Variants in IGSF9 observed in about 807,000 individuals in gnomAD.
IGSF9 encodes the protein protein turtle homolog A.
IGSF9 carries 87 observed loss-of-function variants against 121.7 expected under a neutral mutation model. The observed-to-expected ratio is 0.71, with a 90% CI of 0.60 to 0.85. IGSF9 has a LOEUF of 0.85. Among genes scored for constraint, IGSF9 ranks in the 40% least tolerant of loss-of-function variants. IGSF9 has a pLI of 0.00. For missense variants in IGSF9, 1,462 were observed against 1,565.3 expected (o/e 0.93, Z 1.11); for synonymous variants, 640 against 648.4 (o/e 0.99, Z 0.20).
At chr1:159,942,348 A>G (rs934534118) in intron 3 of IGSF9, among the ~76,000 whole-genome samples, 2 of 152,108 alleles carry the variant, frequency 1.3e-5, no homozygotes, top group African/African-American at 4.8e-5. Context: ...CCAGTCACTG[A>G]CCTTTGGGGA....
In IGSF9 at chr1:159,931,070, A is replaced by G. The variant is rs543872746; in HGVS notation, c.1637+68T>C. On this transcript the variant is annotated intron_variant, in intron 13 of 20. Transcript: ENST00000368094. The surrounding 1 kb of genome is among the most constrained non-coding windows in gnomAD (Gnocchi z 4.8). ...GACAGAAGAAAGGGCAGAAGGCCAG[A>G]TAGGTTCAAGGAGGAGAGGAAAGGA... is the stretch of plus-strand genomic sequence containing the variant. 1.6e-4 allele frequency: 256 copies of G among 1,607,324 alleles called. 1 individual carries two copies. The African/African-American group carries it at 2.1e-3, about 13-fold the overall frequency.
rs1357077826 is a variant in IGSF9 at position 159,932,877 on chromosome 1, T to C, written c.1105-225A>G. 4.1e-6 allele frequency: 2 copies of C among 489,752 alleles called. No homozygotes were observed. The highest frequency in any genetic ancestry group is 7.1e-6 in the Non-Finnish European group (2 of 280,090). The allele number at this position is 489,752 out of a possible 1,614,324, so 30.3% of individuals were successfully genotyped here. On this transcript the variant is annotated intron_variant, in intron 9 of 20. Coordinates refer to ENST00000368094, the MANE Select transcript of IGSF9 (RefSeq NM_001135050.2). This position sits in a 1 kb window ranked among gnomAD's most constrained non-coding sequence, Gnocchi z 4.1. ...GCTGTGACTGCACAACTCCAGGGGG[T>C]GCCACTCACAGAAAATACACTGTGA...
chr1:159,943,334 G>C (rs755244531), intron 2 of IGSF9, 63 bp downstream of exon 2: 35 of 1,450,638 alleles, frequency 2.4e-5, no homozygotes, highest in Non-Finnish European at 3.0e-5. Flanking sequence ...GAACCCTTGA[G>C]GAACACCCCC....
rs1474717380 is a variant in IGSF9, at chr1:159,931,500, C to G, written c.1466G>C (p.Ser489Thr). ...GGTGGCCACTCGGGCCACAGCATTG[C>G]TGGCACTGCATTCCCAGTGCCCGTG... Reference protein sequence around the residue: ...EAHGHWECSASNAVARVATST... With the variant: ...EAHGHWECSATNAVARVATST... The change falls in exon 12 of 21, where the codon AGC becomes ACC. Residue 489 changes from serine (S) to threonine (T), a missense_variant. By Grantham distance (58) the Ser-to-Thr change is moderately conservative. Around this residue, in one of 3 missense-constraint regions of IGSF9, gnomAD observed 96 missense variants for 150.7 expected, o/e 0.64. Coordinates refer to ENST00000368094, the MANE Select transcript of IGSF9 (RefSeq NM_001135050.2). The surrounding 1 kb of genome is among the most constrained non-coding windows in gnomAD (Gnocchi z 4.8). 1 of 1,614,188 alleles carries G rather than the reference C, an allele frequency of 6.2e-7. No homozygotes were observed. The highest frequency in any genetic ancestry group is 1.3e-5 in the African/African-American group (1 of 75,060).
rs1007499951 is a variant in IGSF9 at position 159,936,792 on chromosome 1, G to A, written c.517C>T (p.Arg173Ter). The change falls in exon 5 of 21, where the codon CGA (arginine) becomes TGA (stop). Residue 173 changes from arginine to a stop codon, truncating the protein, a stop_gained. Transcript: ENST00000368094. LOFTEE classifies it high-confidence loss of function. ...SPLPHVTWKL[R>*]GKDLGQGQGQ... ...TGGCCCTGGCCAAGGTCCTTTCCTCGGAGCTTCCACGTCACATGAGGCAGG... is the reference window on the plus strand; with the variant it reads ...TGGCCCTGGCCAAGGTCCTTTCCTCAGAGCTTCCACGTCACATGAGGCAGG... The A allele has an allele frequency of 2.5e-6, 4 of 1,614,204 alleles. No homozygotes were observed. The highest frequency in any genetic ancestry group is 1.3e-5 in the African/African-American group (1 of 75,064).
At chr1:159,940,039 G>A (rs889912487) in intron 3 of IGSF9, among the ~76,000 whole-genome samples, 1 of 152,168 alleles carries the variant, frequency 6.6e-6, no homozygotes, top group Non-Finnish European at 1.5e-5. Flanking sequence ...GATTGAGTGT[G>A]GAATACAGGC....
intron 6 of IGSF9, 137 bp from the exon 7 acceptor site, chr1:159,934,959 G>T: frequency 1.1e-6 from 1 of 936,662 alleles, no homozygotes; most frequent in Non-Finnish European, 1.6e-6. Flanking sequence ...GGGAGTGGAA[G>T]CAGAAGCTTC....
chr1:159,930,390 C>A lies in IGSF9; in HGVS notation c.1863G>T (p.Pro621=). The change falls in exon 15 of 21, where the codon CCG becomes CCT. Residue 621 remains proline (P), a synonymous_variant. Coordinates refer to ENST00000368094, the MANE Select transcript of IGSF9 (RefSeq NM_001135050.2). ...AAPGLPPTEI[P]PPLSPPRGLV... The stretch of plus-strand genomic sequence containing the variant: ...GACCCCGCGGAGGGGACAGGGGAGG[C>A]GGTATCTCTGTTGGGGGAAGCCCGG... The A allele has an allele frequency of 6.4e-7, 1 of 1,572,740 alleles. No individual in the cohort carries two copies. Among genetic ancestry groups the A allele is most frequent in the Non-Finnish European group, 8.6e-7 (1 of 1,158,222 alleles).
At chr1:159,944,091 G>A (rs916937692) in intron 1 of IGSF9, among the ~76,000 whole-genome samples, 15 of 152,064 alleles carry the variant, frequency 9.9e-5, no homozygotes, top group Admixed American at 8.5e-4. Flanking sequence ...CAGTGCTGTC[G>A]CCTTCACCCC....
chr1:159,943,731 G>A (rs947521483), intron 1 of IGSF9, 103 bp from the exon 2 acceptor site: 2 of 376,102 alleles, frequency 5.3e-6, no homozygotes, highest in Admixed American at 4.5e-5. Flanking sequence ...GGAGGGAGGA[G>A]TGTAGTTAAG....
Position 159,934,414 on chromosome 1 carries a change from G to A in IGSF9, c.961+11C>T, listed in dbSNP as rs753709053. The A allele has an allele frequency of 1.3e-6, 2 of 1,574,012 alleles. No homozygotes were observed. The highest frequency in any genetic ancestry group is 1.7e-6 in the Non-Finnish European group (2 of 1,159,482). On this transcript the variant is annotated intron_variant, in intron 8 of 20. Coordinates refer to ENST00000368094, the MANE Select transcript of IGSF9 (RefSeq NM_001135050.2). ...GGAGCAGGCTGAGGGAGAAGCTGGG[G>A]TCAGGCTTACAGAGCACAGTGAGGT... is the stretch of plus-strand genomic sequence containing the variant.
At chr1:159,930,489 C>A in intron 14 of IGSF9, 50 bp from the exon 15 acceptor site, 1 of 1,518,154 alleles carries the variant, frequency 6.6e-7, no homozygotes, top group Non-Finnish European at 8.8e-7. Context: ...AGCGCCCCTC[C>A]CCTGGCCTTC....
At chr1:159,941,690 C>T (rs150485390) in intron 3 of IGSF9, among the ~76,000 whole-genome samples, 1 of 152,370 alleles carries the variant, frequency 6.6e-6, no homozygotes, top group Non-Finnish European at 1.5e-5. Context: ...CCTTGCCTTG[C>T]CCTCAGTCAG....
Position 159,936,784 on chromosome 1 carries a change from CT to C in IGSF9, c.524del (p.Lys175ArgfsTer22), listed in dbSNP as rs1651203813. 6.2e-7 allele frequency: 1 copy of C among 1,614,124 alleles called. No homozygotes were observed. The highest frequency in any genetic ancestry group is 1.1e-5 in the South Asian group (1 of 91,094). The part of the protein sequence containing the change: ...LPHVTWKLRG[K>X]DLGQGQGQVQ... ...CCTGGCCCTGGCCCTGGCCAAGGTC[CT>C]TTCCTCGGAGCTTCCACGTCACATG... On this transcript the variant is annotated frameshift_variant, in exon 5 of 21. Coordinates refer to ENST00000368094, the MANE Select transcript of IGSF9 (RefSeq NM_001135050.2). LOFTEE classifies it high-confidence loss of function.
chr1:159,939,232 C>T (rs745481029), intron 3 of IGSF9, among the ~76,000 whole-genome samples: 5 of 152,042 alleles, frequency 3.3e-5, no homozygotes, highest in Non-Finnish European at 4.4e-5. Context: ...ACAAATGGAG[C>T]TTTCTTTTTT....
At chr1:159,941,268 T>C (rs1651368601) in intron 3 of IGSF9, among the ~76,000 whole-genome samples, 1 of 152,144 alleles carries the variant, frequency 6.6e-6, no homozygotes, top group Non-Finnish European at 1.5e-5. Flanking sequence ...CAGAAGAGCA[T>C]TGTCCTTAGC....
intron 14 of IGSF9, 108 bp downstream of exon 14, chr1:159,930,584 C>T (rs1414138859): frequency 6.5e-7 from 1 of 1,543,102 alleles, no homozygotes; most frequent in Non-Finnish European, 8.8e-7. Flanking sequence ...GGACCCCAAG[C>T]TGGCCAGCAC....
chr1:159,927,898 A>C lies in IGSF9; in HGVS notation c.3231-11T>G. 6.2e-7 allele frequency: 1 copy of C among 1,603,732 alleles called. No homozygotes were observed. Among genetic ancestry groups the C allele is most frequent in the Non-Finnish European group, 8.5e-7 (1 of 1,177,074 alleles). On this transcript the variant is annotated splice_polypyrimidine_tract_variant and intron_variant, in intron 19 of 20. Coordinates refer to ENST00000368094, the MANE Select transcript of IGSF9 (RefSeq NM_001135050.2). ...ACAGATGTGTTCCTCCTGTAAAAAA[A>C]AAAAAAAAGACAAACATATGGTGTG...
In IGSF9 at chr1:159,928,544, G is replaced by C. The variant is rs776739743; in HGVS notation, c.2844C>G (p.Ser948Arg). 1 of 1,552,288 alleles carries C rather than the reference G, an allele frequency of 6.4e-7. No homozygotes were observed. The highest frequency in any genetic ancestry group is 8.7e-7 in the Non-Finnish European group (1 of 1,148,132). ...CCATGTAATCTGGGGGTGCAGCAGG[G>C]CTGGGCTCCTCAAGCGGGGGCCAGT... ...DGDWPPLEEP[S>R]PAAPPDYMDT... is the part of the protein sequence containing the mutation. The change falls in exon 19 of 21, where the codon AGC (serine) becomes AGG (arginine). Residue 948 changes from serine to arginine, a missense_variant. Ser to Arg is a moderately radical substitution (Grantham distance 110). Transcript: ENST00000368094.
Sources: allele counts gnomAD v4.1 joint callset (sites outside exome capture counted in the v4.1 genomes callset), GRCh38; gene constraint gnomAD v4.1.1; regional missense constraint gnomAD v4.1.1; non-coding constraint Gnocchi (gnomAD v3.1); transcripts MANE v1.5; gene names NCBI Gene and HGNC (gene_info 2026-07-23, HGNC 2026-07-21).